LRBA: variants seen among roughly 807,000 people sequenced by gnomAD.
The protein encoded by LRBA is LPS responsive beige-like anchor protein, also known as lipopolysaccharide-responsive and beige-like anchor protein.
LRBA carries 176 observed loss-of-function variants against 330.0 expected under a neutral mutation model. That is an observed-to-expected ratio of 0.53 (90% CI 0.47 to 0.60). The LOEUF (loss-of-function observed/expected upper bound fraction) is 0.60, where lower values mean the gene tolerates loss of function less well. Ranked by LOEUF, LRBA falls within the 20% of genes least tolerant of loss-of-function variation. The probability of loss-of-function intolerance (pLI) is 0.00; values close to 1 mark genes in which losing one functional copy is unlikely to be tolerated. For missense variants in LRBA, 3,259 were observed against 3,444.8 expected (o/e 0.95, Z 1.35); for synonymous variants, 1,230 against 1,193.0 (o/e 1.03, Z -0.64).
chr4:150,998,075 G>A (rs1308414179), intron 2 of LRBA, among the ~76,000 whole-genome samples: 1 of 151,794 alleles, frequency 6.6e-6, no homozygotes, highest in Non-Finnish European at 1.5e-5. Flanking sequence ...GTCTCGGCCG[G>A]GCACGGTGGC....
intron 37 of LRBA, among the ~76,000 whole-genome samples, chr4:150,654,273 G>A (rs1194985711): frequency 6.6e-6 from 1 of 152,084 alleles, no homozygotes; most frequent in African/African-American, 2.4e-5. Context: ...TGCAACCTCT[G>A]CCTCCCGGGT....
At chr4:150,713,027 C>T (rs1382810113) in intron 36 of LRBA, among the ~76,000 whole-genome samples, 1 of 152,094 alleles carries the variant, frequency 6.6e-6, no homozygotes, top group Non-Finnish European at 1.5e-5. Context: ...GCCTCAACCA[C>T]CTGGACTCAA....
intron 4 of LRBA, among the ~76,000 whole-genome samples, chr4:150,927,580 A>C (rs1734020974): frequency 6.6e-6 from 1 of 152,082 alleles, no homozygotes; most frequent in Non-Finnish European, 1.5e-5. Flanking sequence ...ATATATCTGT[A>C]ATTGGAGTCC....
intron 42 of LRBA, among the ~76,000 whole-genome samples, chr4:150,474,485 G>C (rs923658666): frequency 1.3e-5 from 2 of 152,008 alleles, no homozygotes; most frequent in African/African-American, 4.8e-5. Context: ...AATTGTTTCA[G>C]CTACTCTAGG....
chr4:150,729,311 C>G (rs1347254809), intron 36 of LRBA, among the ~76,000 whole-genome samples: 1 of 152,120 alleles, frequency 6.6e-6, no homozygotes, highest in Non-Finnish European at 1.5e-5. Flanking sequence ...GATCCCATCT[C>G]AAGCAATCAA....
intron 37 of LRBA, among the ~76,000 whole-genome samples, chr4:150,647,873 T>C (rs1369515846): frequency 1.3e-5 from 2 of 151,802 alleles, no homozygotes; most frequent in Non-Finnish European, 2.9e-5. Context: ...ATCAGACATA[T>C]TATTAATACG....
At chr4:150,592,005 C>T (rs1772902077) in intron 38 of LRBA, among the ~76,000 whole-genome samples, 1 of 152,064 alleles carries the variant, frequency 6.6e-6, no homozygotes, top group Admixed American at 6.5e-5. Context: ...TTTTCCTAAT[C>T]TTTTTTTGAA....
intron 13 of LRBA, among the ~76,000 whole-genome samples, chr4:150,904,782 A>G (rs1731140699): frequency 6.6e-6 from 1 of 152,192 alleles, no homozygotes. Context: ...TCCAAATGGC[A>G]ATCAGAGTCA....
intron 47 of LRBA, among the ~76,000 whole-genome samples, chr4:150,373,764 T>C (rs906556393): frequency 3.9e-5 from 6 of 152,178 alleles, no homozygotes; most frequent in Non-Finnish European, 7.4e-5. Flanking sequence ...ATTAAATTTT[T>C]CTTGATTTTT....
chr4:150,786,306 T>C (rs1739050322), intron 34 of LRBA, among the ~76,000 whole-genome samples: 1 of 150,186 alleles, frequency 6.7e-6, no homozygotes, highest in Non-Finnish European at 1.5e-5. Flanking sequence ...GCCAATGGCA[T>C]GATCTCAGCT....
At chr4:150,407,510 T>G (rs1284171384) in intron 47 of LRBA, among the ~76,000 whole-genome samples, 1 of 152,018 alleles carries the variant, frequency 6.6e-6, no homozygotes, top group Non-Finnish European at 1.5e-5. Flanking sequence ...AGATACAGAA[T>G]AGTTAAACAC....
chr4:150,348,284 G>A (rs1335300838), intron 48 of LRBA, among the ~76,000 whole-genome samples: 1 of 152,166 alleles, frequency 6.6e-6, no homozygotes, highest in Non-Finnish European at 1.5e-5. Context: ...ATGACAAACA[G>A]ATATAGGCCA....
intron 34 of LRBA, among the ~76,000 whole-genome samples, chr4:150,764,277 A>G (rs1476662159): frequency 2.0e-5 from 3 of 152,020 alleles, no homozygotes; most frequent in African/African-American, 7.2e-5. Flanking sequence ...CCCTCTCACC[A>G]CTATCTTTCA....
At chr4:150,435,762 G>T in intron 45 of LRBA, 54 bp from the exon 46 acceptor site, 8 of 1,481,158 alleles carry the variant, frequency 5.4e-6, no homozygotes, top group South Asian at 1.3e-5. Flanking sequence ...TAAAAATGTG[G>T]TTTTTATAAA....
At chr4:150,909,545 T>C (rs1380463032) in intron 9 of LRBA, among the ~76,000 whole-genome samples, 1 of 152,176 alleles carries the variant, frequency 6.6e-6, no homozygotes, top group East Asian at 1.9e-4. Flanking sequence ...ACTGGACATG[T>C]GGGTTACTTC....
intron 2 of LRBA, among the ~76,000 whole-genome samples, chr4:150,990,948 G>GA (rs1742002068): frequency 6.6e-6 from 1 of 151,606 alleles, no homozygotes; most frequent in South Asian, 2.1e-4. Context: ...TTGAACCAGG[G>GA]AAGCGCTGAA....
intron 36 of LRBA, among the ~76,000 whole-genome samples, chr4:150,689,349 A>C (rs1181896146): frequency 6.6e-6 from 1 of 152,134 alleles, no homozygotes; most frequent in Non-Finnish European, 1.5e-5. Context: ...TAAGAGAAAT[A>C]CCTAATGCAG....
chr4:150,922,754 A>G (rs1158409766), intron 4 of LRBA, among the ~76,000 whole-genome samples: 7 of 152,116 alleles, frequency 4.6e-5, no homozygotes. Context: ...CTGTACCCCA[A>G]TAACTTATGG....
chr4:150,409,509 C>T (rs747758959), intron 47 of LRBA, among the ~76,000 whole-genome samples: 17 of 152,062 alleles, frequency 1.1e-4, no homozygotes, highest in Admixed American at 2.0e-4. Context: ...GTTCACTTTT[C>T]CTGTACTACT....
Sources: gnomAD v4.1 joint callset for allele counts (sites outside exome capture counted in the v4.1 genomes callset) on GRCh38, gnomAD v4.1.1 for gene constraint, MANE v1.5 for transcripts, NCBI Gene and HGNC (gene_info 2026-07-23, HGNC 2026-07-21) for gene names.